The following FAM168A variants were observed in gnomAD, a reference collection of about 807,000 sequenced individuals.
The protein encoded by FAM168A is protein FAM168A.
A neutral mutation model predicts 28.5 loss-of-function variants in FAM168A; 3 were observed. The ratio of observed to expected loss-of-function variants is 0.11; its 90% CI spans 0.05 to 0.27. The LOEUF is 0.27. Among genes scored for constraint, FAM168A ranks in the 10% least tolerant of loss-of-function variants. FAM168A has a pLI of 1.00. For missense variants in FAM168A, 222 were observed against 311.5 expected, an observed-to-expected ratio of 0.71 and a Z score of 2.16; for synonymous variants, 122 against 124.2, an observed-to-expected ratio of 0.98 and a Z score of 0.12.
intron 1 of FAM168A, among the ~76,000 whole-genome samples, chr11:73,589,226 G>A (rs1039099822): frequency 1.3e-5 from 2 of 152,014 alleles, no homozygotes; most frequent in East Asian, 1.9e-4. Flanking sequence ...AACAAAGTAC[G>A]AACAGACCAA....
At chr11:73,552,761 A>G (rs1049876678) in intron 1 of FAM168A, among the ~76,000 whole-genome samples, 1 of 152,222 alleles carries the variant, frequency 6.6e-6, no homozygotes, top group African/African-American at 2.4e-5. Context: ...GTTCAAGACC[A>G]GCCTGGCCAA....
At chr11:73,589,633 AC>A (rs1292826862) in intron 1 of FAM168A, among the ~76,000 whole-genome samples, 16 of 152,254 alleles carry the variant, frequency 1.1e-4, no homozygotes, top group Admixed American at 1.0e-3. Flanking sequence ...TTATATAAAA[AC>A]ATTCCTCCTT....
Position 73,409,602 on chromosome 11 carries a change from C to T in FAM168A, c.480G>A (p.Thr160=), listed in dbSNP as rs758203371. 1 of 1,613,620 alleles carries T rather than the reference C, an allele frequency of 6.2e-7. No homozygotes were observed. Among genetic ancestry groups the T allele is most frequent in the Admixed American group, 1.7e-5 (1 of 59,960 alleles). The change falls in exon 6 of 8, where the codon ACG becomes ACA. Residue 160 remains threonine, a synonymous_variant. Coordinates refer to ENST00000356467, the MANE Select transcript of FAM168A (RefSeq NM_015159.3). ...AAQPHVIHHT[T]VVQPNSIPSA... is the part of the protein sequence containing the mutation. The stretch of plus-strand genomic sequence containing the variant: ...AGGGAATGCTGTTGGGCTGGACGAC[C>T]GTGGTATGGTGGATGACATGAGGCT...
chr11:73,411,515 T>C lies in FAM168A; in HGVS notation c.299A>G (p.Tyr100Cys), dbSNP rs774290233. Residue 100 changes from tyrosine (Y) to cysteine (C), a missense_variant, in exon 5 of 8, where the codon TAC becomes TGC. Around this residue, in one of 3 missense-constraint regions of FAM168A, gnomAD observed 153 missense variants for 189.2 expected, o/e 0.81. Transcript: ENST00000356467. ...GTTACTCTGGGTCGGTGGGACCTTG[T>C]ATGGTGTCCCCGCAGTATATCCTGT... ...AAFRYTAGTP[Y>C]KVPPTQSNTA... The C allele has an allele frequency of 1.9e-6, 3 of 1,614,024 alleles. No individual in the cohort carries two copies. Among genetic ancestry groups the C allele is most frequent in the Admixed American group, 1.7e-5 (1 of 60,022 alleles).
At chr11:73,556,302 T>C (rs1943888653) in intron 1 of FAM168A, among the ~76,000 whole-genome samples, 1 of 151,784 alleles carries the variant, frequency 6.6e-6, no homozygotes, top group Non-Finnish European at 1.5e-5. Flanking sequence ...TAAGCTATGA[T>C]CGTGCCACTG....
At chr11:73,466,633 A>G (rs950892584) in intron 2 of FAM168A, among the ~76,000 whole-genome samples, 30 of 152,208 alleles carry the variant, frequency 2.0e-4, no homozygotes, top group African/African-American at 7.0e-4. Context: ...TTCCATCTCC[A>G]GTAATACAGA....
At chr11:73,457,743 AAAAAAAAG>A in intron 2 of FAM168A, among the ~76,000 whole-genome samples, 2 of 137,178 alleles carry the variant, frequency 1.5e-5, no homozygotes, top group African/African-American at 6.3e-5. Context: ...AAAAAAAAAA[AAAAAAAAG>A]AAAAGAAAAG....
At chr11:73,562,220 C>G (rs747269608) in intron 1 of FAM168A, among the ~76,000 whole-genome samples, 1 of 152,210 alleles carries the variant, frequency 6.6e-6, no homozygotes, top group African/African-American at 2.4e-5. Context: ...GAATTACAGG[C>G]GTGAGCCACC....
intron 3 of FAM168A, 118 bp downstream of exon 3, chr11:73,430,571 TG>T: frequency 1.1e-6 from 1 of 922,708 alleles, no homozygotes; most frequent in Non-Finnish European, 1.8e-6. Context: ...AAATCCAGCC[TG>T]GAGAGGCTGC....
chr11:73,565,263 C>T (rs914137006), intron 1 of FAM168A, among the ~76,000 whole-genome samples: 4 of 152,196 alleles, frequency 2.6e-5, no homozygotes, highest in African/African-American at 9.7e-5. Context: ...TTGGCTTCCT[C>T]ACCTACTACC....
chr11:73,525,339 A>G (rs1226828525), intron 1 of FAM168A, among the ~76,000 whole-genome samples: 1 of 152,102 alleles, frequency 6.6e-6, no homozygotes, highest in Non-Finnish European at 1.5e-5. Flanking sequence ...TCAAATGTCT[A>G]TGGGTCAGTT....
chr11:73,520,012 A>G (rs895276336), intron 1 of FAM168A, among the ~76,000 whole-genome samples: 2 of 151,786 alleles, frequency 1.3e-5, no homozygotes, highest in South Asian at 4.2e-4. Flanking sequence ...GAAGTGTAGC[A>G]TATCAGATTC....
intron 1 of FAM168A, among the ~76,000 whole-genome samples, chr11:73,489,394 C>T (rs1384220920): frequency 6.6e-6 from 1 of 152,098 alleles, no homozygotes; most frequent in Non-Finnish European, 1.5e-5. Flanking sequence ...TCAAAGTCAC[C>T]AGTGACCTCC....
At chr11:73,559,130 G>A (rs777891390) in intron 1 of FAM168A, among the ~76,000 whole-genome samples, 6 of 152,250 alleles carry the variant, frequency 3.9e-5, no homozygotes, top group African/African-American at 9.6e-5. Flanking sequence ...AGTACTAGCC[G>A]GGCGTGTTGG....
chr11:73,580,484 C>G, intron 1 of FAM168A: 1 of 620,134 alleles, frequency 1.6e-6, no homozygotes. Flanking sequence ...CAAAACAGAC[C>G]AGGGACAGAA....
intron 1 of FAM168A, among the ~76,000 whole-genome samples, chr11:73,494,973 T>A (rs1590814717): frequency 1.4e-5 from 2 of 144,646 alleles, no homozygotes; most frequent in Admixed American, 7.0e-5. Context: ...GCCAATGAAC[T>A]CCAGCCTGGG....
chr11:73,549,319 G>A (rs999282536), intron 1 of FAM168A, among the ~76,000 whole-genome samples: 63 of 152,000 alleles, frequency 4.1e-4, no homozygotes, highest in African/African-American at 1.4e-3. Flanking sequence ...TCCACTGATC[G>A]GCACCTCTAG....
chr11:73,529,225 T>C (rs1282407598), intron 1 of FAM168A, among the ~76,000 whole-genome samples: 2 of 152,212 alleles, frequency 1.3e-5, no homozygotes, highest in South Asian at 2.1e-4. Context: ...GCAAAAACTC[T>C]ATGCTTGCCT....
intron 1 of FAM168A, among the ~76,000 whole-genome samples, chr11:73,511,231 ATTTTTCTTTT>A (rs755503614): frequency 6.6e-6 from 1 of 150,894 alleles, no homozygotes; most frequent in Non-Finnish European, 1.5e-5. Flanking sequence ...GTAGCACTGA[ATTTTTCTTTT>A]TTTTTCTTTT....
Sources: allele counts gnomAD v4.1 joint callset (sites outside exome capture counted in the v4.1 genomes callset), GRCh38; gene constraint gnomAD v4.1.1; regional missense constraint gnomAD v4.1.1; transcripts MANE v1.5; gene names NCBI Gene and HGNC (gene_info 2026-07-23, HGNC 2026-07-21).